MEP1B: variants seen among roughly 807,000 people sequenced by gnomAD.
The protein encoded by MEP1B is N-benzoyl-L-tyrosyl-P-amino-benzoic acid hydrolase subunit beta.
Under a neutral mutation model 84.6 loss-of-function variants are expected in MEP1B, and 80 were observed. The observed-to-expected ratio is 0.95, with a 90% confidence interval of 0.79 to 1.14. The LOEUF (loss-of-function observed/expected upper bound fraction) is 1.14, where lower values mean the gene tolerates loss of function less well. Among genes scored for constraint, MEP1B ranks in the 50% most tolerant of loss-of-function variants. MEP1B has a pLI of 0.00. For missense variants in MEP1B, 766 were observed against 855.1 expected (o/e 0.90, Z 1.30); for synonymous variants, 273 against 288.1 (o/e 0.95, Z 0.53).
chr18:32,196,342 C>T lies in MEP1B; in HGVS notation c.250+857C>T, dbSNP rs1310008552. ...GCGGTAGATCTCATGCATGGCGCGC[C>T]GCAGGGCCACGGCCAGCTGGGTCAG... is the stretch of plus-strand genomic sequence containing the variant. On this transcript the variant is annotated intron_variant, in intron 5 of 14. Transcript: ENST00000269202. The surrounding 1 kb of genome is among the most constrained non-coding windows in gnomAD (Gnocchi z 4.4). The T allele has an allele frequency of 1.9e-5, 13 of 702,020 alleles. No homozygotes were observed. Among genetic ancestry groups the T allele is most frequent in the South Asian group, 5.9e-5 (4 of 67,476 alleles). 43.5% of individuals were successfully genotyped at this position (702,020 alleles called of 1,614,324 possible).
chr18:32,190,202 A>G, intron 1 of MEP1B, 69 bp downstream of exon 1: 1 of 1,119,864 alleles, frequency 8.9e-7, no homozygotes. Flanking sequence ...TTAAAGAACA[A>G]GTGTTTTTTT....
chr18:32,202,928 G>T lies in MEP1B; in HGVS notation c.286G>T (p.Glu96Ter), dbSNP rs1217736816. The T allele has an allele frequency of 4.3e-6, 7 of 1,612,310 alleles. No homozygotes were observed. The highest frequency in any genetic ancestry group is 4.2e-6 in the Non-Finnish European group (5 of 1,179,044). ...TAAGGGAGTTATCCTCAATGCATTT[G>T]AACGTTATCGCCTTAAAACATGTAT... ...NAKGVILNAF[E>*]RYRLKTCIDF... Residue 96 changes from glutamate to a stop codon, truncating the protein, a stop_gained, in exon 6 of 15, where the codon GAA becomes TAA. Coordinates refer to ENST00000269202, the MANE Select transcript of MEP1B (RefSeq NM_005925.3). LOFTEE classifies it high-confidence loss of function.
At chr18:32,198,473 C>T (rs1318343420) in intron 5 of MEP1B, among the ~76,000 whole-genome samples, 1 of 152,234 alleles carries the variant, frequency 6.6e-6, no homozygotes, top group Non-Finnish European at 1.5e-5. Flanking sequence ...CCAGCAACTG[C>T]AGCACCTGCT....
rs1014735619 is a variant in MEP1B, at chr18:32,207,840, C to T, written c.767-279C>T. 1.8e-4 allele frequency among the ~76,000 whole-genome samples: 28 copies of T among 152,028 alleles called. 1 individual carries two copies. Among genetic ancestry groups the T allele is most frequent in the Admixed American group, 1.6e-3 (24 of 15,248 alleles). ...TAATCTGGATTGTGGCTTAATGATT[C>T]GAATAACTAGGGGAGTATAGACTCA... On this transcript the variant is annotated intron_variant, in intron 8 of 14. Transcript: ENST00000269202.
At chr18:32,212,128 A>C (rs943342122) in intron 10 of MEP1B, among the ~76,000 whole-genome samples, 3 of 149,956 alleles carry the variant, frequency 2.0e-5, no homozygotes, top group African/African-American at 7.3e-5. Flanking sequence ...TTAATATCTA[A>C]ATTAATACAA....
chr18:32,214,944 GA>G, intron 11 of MEP1B, 137 bp from the exon 12 acceptor site: 2 of 640,700 alleles, frequency 3.1e-6, no homozygotes, highest in Non-Finnish European at 5.4e-6. Context: ...ATTTGCCAGG[GA>G]ATACATCACA....
chr18:32,211,518 T>C lies in MEP1B; in HGVS notation c.1135+802T>C, dbSNP rs765569638. ...ACTTCGGTTGTTTCACTTCCCAGCT[T>C]ACATTTGACCAAATTTGCTATCAGT... On this transcript the variant is annotated intron_variant, in intron 10 of 14. Transcript: ENST00000269202. 4.0e-4 allele frequency among the ~76,000 whole-genome samples: 61 copies of C among 152,142 alleles called. 1 individual carries two copies. The highest frequency in any genetic ancestry group is 4.9e-4 in the Non-Finnish European group (33 of 68,030).
chr18:32,206,428 C>T (rs1229211111), intron 7 of MEP1B, among the ~76,000 whole-genome samples: 1 of 146,886 alleles, frequency 6.8e-6, no homozygotes, highest in African/African-American at 2.5e-5. Context: ...GGTTCAACAA[C>T]ACTTTTTTTT....
chr18:32,200,805 A>G (rs9967163), intron 5 of MEP1B, among the ~76,000 whole-genome samples: 4,310 of 152,294 alleles, frequency 0.028, 181 homozygotes, highest in African/African-American at 0.096. Flanking sequence ...CCAAGGCAGA[A>G]AAGGCAGTGG....
rs769237441 is a variant in MEP1B, at chr18:32,208,256, A to G, written c.904A>G (p.Met302Val). Residue 302 changes from methionine to valine, a missense_variant, in exon 9 of 15, where the codon ATG becomes GTG. Transcript: ENST00000269202. Reference sequence around the variant, plus strand: ...GGGGCCAGAGAGTGATCACTCCAACATGGGCCAGTGCCAAGGTAACAGGAG... The same window carrying G: ...GGGGCCAGAGAGTGATCACTCCAACGTGGGCCAGTGCCAAGGTAACAGGAG... ...PRGPESDHSN[M>V]GQCQGSGFFM... is the part of the protein sequence containing the mutation. The G allele has an allele frequency of 5.0e-6, 8 of 1,613,830 alleles. No individual in the cohort carries two copies. Among genetic ancestry groups the G allele is most frequent in the Non-Finnish European group, 2.5e-6 (3 of 1,179,794 alleles).
At chr18:32,206,297 A>T (rs2040963663) in intron 7 of MEP1B, among the ~76,000 whole-genome samples, 2 of 152,264 alleles carry the variant, frequency 1.3e-5, no homozygotes, top group East Asian at 3.9e-4. Context: ...CCTCTGTAGG[A>T]TAACTAGAAA....
chr18:32,216,895 A>T, intron 12 of MEP1B, 96 bp from the exon 13 acceptor site: 1 of 1,382,916 alleles, frequency 7.2e-7, no homozygotes, highest in East Asian at 2.4e-5. Context: ...GAAAGAAAAA[A>T]GGAAAAAAGA....
Position 32,202,948 on chromosome 18 carries a change from A to T in MEP1B, c.306A>T (p.Thr102=), listed in dbSNP as rs757998289. The change falls in exon 6 of 15, where the codon ACA becomes ACT. Residue 102 remains threonine (T), a synonymous_variant. Coordinates refer to ENST00000269202, the MANE Select transcript of MEP1B (RefSeq NM_005925.3). ...CATTTGAACGTTATCGCCTTAAAAC[A>T]TGTATTGACTTTAAGCCTTGGGCTG... is the stretch of plus-strand genomic sequence containing the variant. ...LNAFERYRLK[T]CIDFKPWAGE... 3 of 1,613,024 alleles carry T rather than the reference A, an allele frequency of 1.9e-6. No homozygotes were observed. Among genetic ancestry groups the T allele is most frequent in the Non-Finnish European group, 2.5e-6 (3 of 1,179,572 alleles).
At position 32,213,112 on chromosome 18, in the gene MEP1B, G is replaced by A. The variant is rs759734966; in HGVS notation, c.1136-4G>A. 8.7e-6 allele frequency: 14 copies of A among 1,610,368 alleles called. No homozygotes were observed. The highest frequency in any genetic ancestry group is 4.0e-5 in the African/African-American group (3 of 74,750). On this transcript the variant is annotated splice_polypyrimidine_tract_variant and splice_region_variant and intron_variant, in intron 10 of 14. Coordinates refer to ENST00000269202, the MANE Select transcript of MEP1B (RefSeq NM_005925.3). ...TCTTTGAAATAATAATGACTCTTTT[G>A]CAGAAATACCCACTGGGAGCTGGCA...
chr18:32,215,969 C>CATATATATATATATATATAT (rs10522884), intron 12 of MEP1B, among the ~76,000 whole-genome samples: 5 of 134,954 alleles, frequency 3.7e-5, no homozygotes, highest in Non-Finnish European at 8.1e-5. Context: ...TACATATATG[C>CATATATATATATATATATAT]ATATATATAT....
chr18:32,209,868 C>T (rs1480790695), intron 9 of MEP1B, among the ~76,000 whole-genome samples: 1 of 151,968 alleles, frequency 6.6e-6, no homozygotes, highest in Non-Finnish European at 1.5e-5. Context: ...TGGACTCTCA[C>T]CTCTGTCCGC....
At chr18:32,202,776 C>T (rs758377107) in intron 5 of MEP1B, 117 bp from the exon 6 acceptor site, 2 of 628,502 alleles carry the variant, frequency 3.2e-6, no homozygotes, top group African/African-American at 1.8e-5. Context: ...AAAGACTCAA[C>T]ATTCATGAAG....
chr18:32,200,533 TGACTCA>T (rs3837888), intron 5 of MEP1B, among the ~76,000 whole-genome samples: 29,749 of 151,998 alleles, frequency 0.2, 3,020 homozygotes, highest in South Asian at 0.27. Context: ...CATCTTCAAA[TGACTCA>T]GACTAAGAAA....
chr18:32,190,620 A>G (rs964884902), intron 1 of MEP1B, among the ~76,000 whole-genome samples: 1 of 152,166 alleles, frequency 6.6e-6, no homozygotes, highest in Non-Finnish European at 1.5e-5. Flanking sequence ...CCAAGGTTTT[A>G]AATGAAGTTT....
Sources: gnomAD v4.1 joint callset for allele counts (sites outside exome capture counted in the v4.1 genomes callset) on GRCh38, gnomAD v4.1.1 for gene constraint, Gnocchi (gnomAD v3.1) non-coding constraint, MANE v1.5 for transcripts, NCBI Gene and HGNC (gene_info 2026-07-23, HGNC 2026-07-21) for gene names.